DPP10: variants seen among roughly 807,000 people sequenced by gnomAD.
DPP10 encodes the protein inactive dipeptidyl peptidase 10.
In DPP10, 33 loss-of-function variants were observed where a neutral mutation model predicts 120.9. The ratio of observed to expected loss-of-function variants is 0.27; its 90% CI spans 0.21 to 0.37. The LOEUF is 0.37. Among genes scored for constraint, DPP10 ranks in the 10% least tolerant of loss-of-function variants. The pLI is 1.00. For synonymous variants in DPP10, 337 were observed against 326.1 expected (o/e 1.03, Z -0.36); for missense variants, 816 against 942.8 (o/e 0.87, Z 1.76).
intron 7 of DPP10, among the ~76,000 whole-genome samples, chr2:115,697,680 T>C (rs1344657032): frequency 1.3e-5 from 2 of 151,378 alleles, no homozygotes; most frequent in African/African-American, 2.4e-5. Context: ...ATTAAGAAAA[T>C]AGAGGATTTA....
chr2:115,557,384 A>G (rs1283797963), intron 5 of DPP10, among the ~76,000 whole-genome samples: 2 of 152,214 alleles, frequency 1.3e-5, no homozygotes, highest in Non-Finnish European at 2.9e-5. Flanking sequence ...AAAACAGATT[A>G]CCAGTCTGTC....
chr2:114,918,171 T>C (rs556339353), intron 1 of DPP10, among the ~76,000 whole-genome samples: 1 of 152,264 alleles, frequency 6.6e-6, no homozygotes, highest in Admixed American at 6.5e-5. Context: ...AAAGACGACA[T>C]GCATGTGGCC....
At chr2:115,461,846 T>C (rs1460533835) in intron 3 of DPP10, among the ~76,000 whole-genome samples, 1 of 152,178 alleles carries the variant, frequency 6.6e-6, no homozygotes, top group Non-Finnish European at 1.5e-5. Context: ...TGTGGAATAA[T>C]TACTGAGTAT....
At chr2:115,730,452 G>A (rs2092877653) in intron 8 of DPP10, among the ~76,000 whole-genome samples, 1 of 152,078 alleles carries the variant, frequency 6.6e-6, no homozygotes, top group South Asian at 2.1e-4. Flanking sequence ...CAGCAATGCG[G>A]GCATTGAACC....
chr2:114,547,031 T>C (rs1018168221), intron 1 of DPP10, among the ~76,000 whole-genome samples: 1 of 152,214 alleles, frequency 6.6e-6, no homozygotes, highest in Non-Finnish European at 1.5e-5. Flanking sequence ...GTCAGATACA[T>C]TTTAAATCCC....
intron 1 of DPP10, among the ~76,000 whole-genome samples, chr2:114,904,772 A>G (rs542842890): frequency 6.6e-6 from 1 of 152,320 alleles, no homozygotes; most frequent in South Asian, 2.1e-4. Flanking sequence ...TTTGGCTGCA[A>G]ATGTATTCTA....
chr2:115,764,114 A>G (rs1680427664), intron 12 of DPP10, among the ~76,000 whole-genome samples: 1 of 151,470 alleles, frequency 6.6e-6, no homozygotes. Flanking sequence ...GTAACACACA[A>G]TTATTGCTAT....
chr2:114,475,655 C>T (rs1322184745), intron 1 of DPP10, among the ~76,000 whole-genome samples: 2 of 152,168 alleles, frequency 1.3e-5, no homozygotes, highest in African/African-American at 4.8e-5. Context: ...TTCTCATGGA[C>T]ACTAAATTTT....
intron 3 of DPP10, among the ~76,000 whole-genome samples, chr2:115,497,026 G>A (rs1575020268): frequency 6.6e-6 from 1 of 152,126 alleles, no homozygotes; most frequent in African/African-American, 2.4e-5. Flanking sequence ...GGTGAGGCCA[G>A]TCTGAAAATC....
chr2:114,569,050 C>T (rs2104999267), intron 1 of DPP10, among the ~76,000 whole-genome samples: 1 of 152,256 alleles, frequency 6.6e-6, no homozygotes, highest in African/African-American at 2.4e-5. Flanking sequence ...ATATATGATT[C>T]TGCTTTTTCT....
chr2:115,006,733 C>CT (rs1471059745), intron 1 of DPP10, among the ~76,000 whole-genome samples: 1 of 151,904 alleles, frequency 6.6e-6, no homozygotes, highest in Non-Finnish European at 1.5e-5. Context: ...CCTGAGTGAC[C>CT]TAAAAAGAGA....
rs188973579 is a variant in DPP10, at chr2:115,563,759, G to A, written c.441+37787G>A. On this transcript the variant is annotated intron_variant, in intron 5 of 25. Transcript: ENST00000410059. ...ACAAGATGCTTAAGCCATTTTGACAGAAAATAGCAAATATGTGGAAAACAT... is the reference window on the plus strand; with the variant it reads ...ACAAGATGCTTAAGCCATTTTGACAAAAAATAGCAAATATGTGGAAAACAT... 1.9e-3 allele frequency among the ~76,000 whole-genome samples: 288 copies of A among 152,298 alleles called. 4 individuals are homozygous for A. The South Asian group carries it at 0.027, about 14-fold the overall frequency.
intron 1 of DPP10, among the ~76,000 whole-genome samples, chr2:114,815,649 AC>A (rs755576846): frequency 1.3e-5 from 2 of 152,292 alleles, no homozygotes; most frequent in Non-Finnish European, 2.9e-5. Context: ...TTCAGTCATC[AC>A]TAAATACGTA....
chr2:115,156,661 T>C (rs1573816659), intron 1 of DPP10, among the ~76,000 whole-genome samples: 1 of 152,138 alleles, frequency 6.6e-6, no homozygotes, highest in East Asian at 1.9e-4. Context: ...CTCAGTAATA[T>C]CGTACTTTTC....
chr2:114,980,842 A>G (rs1700039320), intron 1 of DPP10, among the ~76,000 whole-genome samples: 1 of 152,072 alleles, frequency 6.6e-6, no homozygotes, highest in South Asian at 2.1e-4. Flanking sequence ...TTTTTTTACA[A>G]TAAGCATGTT....
intron 1 of DPP10, among the ~76,000 whole-genome samples, chr2:114,654,204 C>G (rs974748428): frequency 1.3e-5 from 2 of 152,198 alleles, no homozygotes; most frequent in Non-Finnish European, 2.9e-5. Flanking sequence ...ATGGTATTCT[C>G]TGTTTCTGCT....
At chr2:114,478,407 G>A (rs1201497663) in intron 1 of DPP10, among the ~76,000 whole-genome samples, 2 of 152,030 alleles carry the variant, frequency 1.3e-5, no homozygotes, top group African/African-American at 4.8e-5. Context: ...AGAATAGAGA[G>A]AAATTTCCTT....
chr2:114,919,762 G>C, intron 1 of DPP10, among the ~76,000 whole-genome samples: 1 of 152,114 alleles, frequency 6.6e-6, no homozygotes, highest in Non-Finnish European at 1.5e-5. Flanking sequence ...TGGCATAACT[G>C]AGTAGTTCTC....
At chr2:115,630,618 G>A (rs956261076) in intron 5 of DPP10, among the ~76,000 whole-genome samples, 9 of 152,062 alleles carry the variant, frequency 5.9e-5, no homozygotes, top group East Asian at 1.9e-4. Flanking sequence ...AACATGAAGC[G>A]ATGTTGAATT....
Sources: allele counts gnomAD v4.1 joint callset (sites outside exome capture counted in the v4.1 genomes callset), GRCh38; gene constraint gnomAD v4.1.1; transcripts MANE v1.5; gene names NCBI Gene and HGNC (gene_info 2026-07-23, HGNC 2026-07-21).